SLC35F3: variants seen among roughly 807,000 people sequenced by gnomAD.
SLC35F3 encodes the protein solute carrier family 35 member F3.
SLC35F3 carries 25 observed loss-of-function variants against 49.9 expected under a neutral mutation model. The observed-to-expected ratio is 0.50, with a 90% confidence interval of 0.37 to 0.70. The LOEUF is 0.70. SLC35F3 is among the 30% of genes least tolerant of loss of function. The pLI is 0.00. For missense variants in SLC35F3, 525 were observed against 639.8 expected (o/e 0.82, Z 1.94); for synonymous variants, 275 against 265.4 (o/e 1.04, Z -0.35).
At chr1:234,128,867 G>A (rs2067799) in intron 2 of SLC35F3, among the ~76,000 whole-genome samples, 10,559 of 152,192 alleles carry the variant, frequency 0.069, 475 homozygotes, top group African/African-American at 0.12. Context: ...CAGTAGATTC[G>A]TAACTTGGGG....
intron 3 of SLC35F3, among the ~76,000 whole-genome samples, chr1:234,296,715 TTGAC>T (rs903032526): frequency 2.0e-5 from 3 of 152,330 alleles, no homozygotes; most frequent in South Asian, 2.1e-4. Context: ...CCTCTGCTAT[TTGAC>T]TGAGCATGCA....
chr1:233,930,924 CT>C (rs1214100453), intron 2 of SLC35F3, among the ~76,000 whole-genome samples: 1 of 152,090 alleles, frequency 6.6e-6, no homozygotes, highest in Non-Finnish European at 1.5e-5. Flanking sequence ...CAGCATGGTA[CT>C]GGTACCAAAA....
intron 2 of SLC35F3, among the ~76,000 whole-genome samples, chr1:233,954,894 A>G (rs943257018): frequency 6.6e-6 from 1 of 152,092 alleles, no homozygotes; most frequent in Non-Finnish European, 1.5e-5. Flanking sequence ...CCCAGCCTGG[A>G]GTGCAATGGT....
intron 2 of SLC35F3, among the ~76,000 whole-genome samples, chr1:234,098,762 G>A (rs1003676950): frequency 2.0e-5 from 3 of 149,836 alleles, no homozygotes; most frequent in South Asian, 2.1e-4. Flanking sequence ...GGTGGTGACT[G>A]TGTTGGTGGT....
chr1:234,176,404 G>A (rs949185815), intron 2 of SLC35F3, among the ~76,000 whole-genome samples: 2 of 152,216 alleles, frequency 1.3e-5, no homozygotes, highest in African/African-American at 4.8e-5. Flanking sequence ...GATCTTTGAT[G>A]CGATGCTGTG....
intron 2 of SLC35F3, among the ~76,000 whole-genome samples, chr1:234,188,879 C>G (rs1666686922): frequency 6.6e-6 from 1 of 152,204 alleles, no homozygotes; most frequent in African/African-American, 2.4e-5. Context: ...TCACAGGACT[C>G]TATGCAGACA....
At chr1:234,154,610 G>C (rs1422859890) in intron 2 of SLC35F3, among the ~76,000 whole-genome samples, 1 of 152,126 alleles carries the variant, frequency 6.6e-6, no homozygotes, top group Non-Finnish European at 1.5e-5. Flanking sequence ...GCACAAATTT[G>C]ATGTCTGGCA....
intron 2 of SLC35F3, among the ~76,000 whole-genome samples, chr1:234,092,186 A>T (rs1043918019): frequency 6.6e-6 from 1 of 152,346 alleles, no homozygotes; most frequent in African/African-American, 2.4e-5. Context: ...ACATTCTGCC[A>T]GGTTATAGGC....
intron 2 of SLC35F3, among the ~76,000 whole-genome samples, chr1:233,959,126 C>CTT: frequency 6.6e-6 from 1 of 152,220 alleles, no homozygotes; most frequent in Non-Finnish European, 1.5e-5. Flanking sequence ...TTCTATTGAC[C>CTT]TTTGTGTGTT....
intron 2 of SLC35F3, among the ~76,000 whole-genome samples, chr1:233,918,796 CTTTCTCTCTCTCTCTCTCTCTATA>C (rs767632288): frequency 6.9e-5 from 5 of 72,348 alleles, no homozygotes; most frequent in Non-Finnish European, 9.7e-5. Context: ...CTCTCTCTCT[CTTTCTCTCTCTCTCTCTCTCTATA>C]TATATATATA....
intron 2 of SLC35F3, among the ~76,000 whole-genome samples, chr1:234,048,941 TTCA>T: frequency 6.6e-6 from 1 of 152,214 alleles, no homozygotes; most frequent in Admixed American, 6.5e-5. Flanking sequence ...TGCCTGTTTC[TTCA>T]TTGCATTTTT....
intron 3 of SLC35F3, among the ~76,000 whole-genome samples, chr1:234,248,047 A>G (rs1430553420): frequency 7.3e-5 from 10 of 137,900 alleles, no homozygotes; most frequent in South Asian, 2.4e-4. Flanking sequence ...TGGTAGGTTG[A>G]ATGGCTGGTC....
chr1:234,167,368 G>A (rs576903249), intron 2 of SLC35F3, among the ~76,000 whole-genome samples: 48 of 152,284 alleles, frequency 3.2e-4, no homozygotes, highest in African/African-American at 1.1e-3. Context: ...CACATGGGCT[G>A]CAGCCCTGCT....
At chr1:234,098,640 G>T (rs1190554136) in intron 2 of SLC35F3, among the ~76,000 whole-genome samples, 2 of 151,508 alleles carry the variant, frequency 1.3e-5, no homozygotes, top group Non-Finnish European at 2.9e-5. Context: ...GGTGGTGGTG[G>T]CAGTTCAGAT....
chr1:234,000,083 G>C (rs1663527965), intron 2 of SLC35F3, among the ~76,000 whole-genome samples: 1 of 152,134 alleles, frequency 6.6e-6, no homozygotes, highest in Admixed American at 6.5e-5. Context: ...TCTGATCGCT[G>C]TGTAACGAGG....
At chr1:233,933,035 TAA>T (rs59669736) in intron 2 of SLC35F3, among the ~76,000 whole-genome samples, 126 of 134,938 alleles carry the variant, frequency 9.3e-4, no homozygotes, top group Admixed American at 1.8e-3. Context: ...GCTATTTAAG[TAA>T]AAAAAAAAAA....
At chr1:234,051,817 A>G (rs1342816229) in intron 2 of SLC35F3, among the ~76,000 whole-genome samples, 1 of 152,194 alleles carries the variant, frequency 6.6e-6, no homozygotes, top group Admixed American at 6.5e-5. Flanking sequence ...ACGTCCCATC[A>G]ATACCTAGTT....
intron 2 of SLC35F3, among the ~76,000 whole-genome samples, chr1:234,216,324 T>G (rs2102942663): frequency 6.6e-6 from 1 of 152,306 alleles, no homozygotes; most frequent in South Asian, 2.1e-4. Flanking sequence ...CCAGCCCACC[T>G]TAGGCAGGAC....
intron 2 of SLC35F3, among the ~76,000 whole-genome samples, chr1:234,133,074 G>A (rs1042932400): frequency 3.9e-5 from 6 of 152,190 alleles, no homozygotes; most frequent in African/African-American, 1.4e-4. Context: ...AAGTAGTGAA[G>A]CTGGGATTTT....
Sources: allele counts gnomAD v4.1 joint callset (sites outside exome capture counted in the v4.1 genomes callset), GRCh38; gene constraint gnomAD v4.1.1; transcripts MANE v1.5; gene names NCBI Gene and HGNC (gene_info 2026-07-23, HGNC 2026-07-21).